The following WNK1 variants were observed in gnomAD, a reference collection of about 807,000 sequenced individuals.
WNK1 encodes the protein WNK lysine deficient protein kinase 1.
Under a neutral mutation model 222.8 loss-of-function variants are expected in WNK1, and 38 were observed. The ratio of observed to expected loss-of-function variants is 0.17; its 90% CI spans 0.13 to 0.22. The LOEUF (loss-of-function observed/expected upper bound fraction) is 0.22, where lower values mean the gene tolerates loss of function less well. Among genes scored for constraint, WNK1 ranks in the 10% least tolerant of loss-of-function variants. The pLI, the probability that WNK1 is intolerant of heterozygous loss-of-function variation, is 1.00. For missense variants in WNK1, 2,348 were observed against 2,918.4 expected (o/e 0.80, Z 4.50); for synonymous variants, 1,090 against 1,092.9 (o/e 1.00, Z 0.05).
rs1555132915 is a variant in WNK1, at chr12:861,081, A to G, written c.1689A>G (p.Ser563=). 1 of 1,614,050 alleles carries G rather than the reference A, an allele frequency of 6.2e-7. No homozygotes were observed. Residue 563 remains serine (S), a synonymous_variant, in exon 7 of 28, where the codon TCA becomes TCG. Transcript: ENST00000315939. ...TMAKAIKDRV[S]LIKRKREQRQ... ...CTAAAGCTATCAAAGACAGAGTATC[A>G]TTAATTAAGAGGAAACGAGAGCAGC...
chr12:768,813 T>G (rs1196969233), intron 1 of WNK1, among the ~76,000 whole-genome samples: 1 of 151,984 alleles, frequency 6.6e-6, no homozygotes, highest in African/African-American at 2.4e-5. Context: ...GGATGAAGTT[T>G]TTTTGTTTTT....
intron 1 of WNK1, among the ~76,000 whole-genome samples, chr12:808,573 A>G (rs185707189): frequency 1.3e-5 from 2 of 151,724 alleles, no homozygotes; most frequent in Admixed American, 6.6e-5. Context: ...AGCTTCCTGT[A>G]TATGCCAAGT....
At chr12:833,445 C>A (rs1736528750) in intron 4 of WNK1, among the ~76,000 whole-genome samples, 1 of 152,304 alleles carries the variant, frequency 6.6e-6, no homozygotes, top group Admixed American at 6.5e-5. Context: ...CAGTTCTCTT[C>A]ATTATCTCGC....
chr12:818,886 T>C (rs910124696), intron 2 of WNK1, among the ~76,000 whole-genome samples: 1 of 152,264 alleles, frequency 6.6e-6, no homozygotes, highest in Admixed American at 6.5e-5. Context: ...ACATTTGGGC[T>C]GTATCCACCT....
At chr12:853,957 C>T (rs1232969082) in intron 4 of WNK1, among the ~76,000 whole-genome samples, 1 of 152,110 alleles carries the variant, frequency 6.6e-6, no homozygotes, top group African/African-American at 2.4e-5. Context: ...TTGCTTTGTG[C>T]CCATGCTGGT....
At position 828,565 on chromosome 12, in the gene WNK1, C is replaced by T. The variant is rs542367265; in HGVS notation, c.1153+1303C>T. Among the ~76,000 whole-genome samples the T allele has an allele frequency of 7.2e-5, 11 of 152,212 alleles. No homozygotes were observed. In the East Asian group the frequency reaches 1.7e-3, roughly 24 times the overall value. On this transcript the variant is annotated intron_variant, in intron 3 of 27. Coordinates refer to ENST00000315939, the MANE Select transcript of WNK1 (RefSeq NM_018979.4). ...CTCTACCCACTAGATACCAGTAGCACGCTCCCTCTGTACCTGCCTTCTAGT... is the reference window on the plus strand; with the variant it reads ...CTCTACCCACTAGATACCAGTAGCATGCTCCCTCTGTACCTGCCTTCTAGT...
intron 7 of WNK1, among the ~76,000 whole-genome samples, chr12:861,669 C>G (rs1033934182): frequency 2.0e-5 from 3 of 152,150 alleles, no homozygotes; most frequent in Admixed American, 6.5e-5. Flanking sequence ...AGCTTGGCTA[C>G]TAAAATTGAA....
chr12:896,625 A>G lies in WNK1; in HGVS notation c.6138A>G (p.Leu2046=), dbSNP rs1198621243. 2 of 1,607,996 alleles carry G rather than the reference A, an allele frequency of 1.2e-6. No individual in the cohort carries two copies. The highest frequency in any genetic ancestry group is 8.5e-7 in the Non-Finnish European group (1 of 1,177,258). ...LSSKSLPSQN[L]SQSLSNSFNS... ...CAAAGAGCCTTCCTAGCCAGAATCT[A>G]AGTCAAAGCCTTAGTAATTCATTTA... The change falls in exon 24 of 28, where the codon CTA becomes CTG. Residue 2046 remains leucine (L), a synonymous_variant. Transcript: ENST00000315939.
intron 9 of WNK1, among the ~76,000 whole-genome samples, chr12:877,680 A>G (rs1304809330): frequency 6.6e-6 from 1 of 152,220 alleles, no homozygotes; most frequent in Non-Finnish European, 1.5e-5. Flanking sequence ...TATTAAAGCT[A>G]AAATTTGAAA....
rs554499763 is a variant in WNK1 at position 806,621 on chromosome 12, G to T, written c.760-7021G>T. Among the ~76,000 whole-genome samples the T allele has an allele frequency of 5.0e-4, 76 of 152,300 alleles. 1 individual carries two copies. The highest frequency in any genetic ancestry group is 1.8e-3 in the African/African-American group (75 of 41,568). Reference sequence around the variant, plus strand: ...CAGGCAATGTTTATTTTGATATGACGTAGTTGTGGCTTTTATTAGTTTGTG... The same window carrying T: ...CAGGCAATGTTTATTTTGATATGACTTAGTTGTGGCTTTTATTAGTTTGTG... On this transcript the variant is annotated intron_variant, in intron 1 of 27. Coordinates refer to ENST00000315939, the MANE Select transcript of WNK1 (RefSeq NM_018979.4).
At chr12:759,245 C>A (rs7962606) in intron 1 of WNK1, among the ~76,000 whole-genome samples, 111,324 of 146,348 alleles carry the variant, frequency 0.76, 44,770 homozygotes, top group East Asian at 0.86. Flanking sequence ...TCATAATTAC[C>A]GTTAGTACAC....
intron 1 of WNK1, among the ~76,000 whole-genome samples, chr12:776,577 C>T (rs12826381): frequency 0.12 from 18,405 of 151,632 alleles, 1,442 homozygotes; most frequent in Middle Eastern, 0.2. Flanking sequence ...ACTACAGGTG[C>T]GTGCCACCGT....
chr12:865,232 C>T, intron 8 of WNK1: 1 of 1,536,092 alleles, frequency 6.5e-7, no homozygotes, highest in South Asian at 1.2e-5. Flanking sequence ...CTTTCTCCTT[C>T]CCTCCTCCGG....
At chr12:835,750 T>C (rs1161084209) in intron 4 of WNK1, among the ~76,000 whole-genome samples, 1 of 152,080 alleles carries the variant, frequency 6.6e-6, no homozygotes, top group Non-Finnish European at 1.5e-5. Context: ...GTCAGGAGTT[T>C]GAGACCAGCC....
In WNK1 at chr12:901,622, C is replaced by T; in HGVS notation, c.6643+952C>T. The T allele has an allele frequency of 1.6e-6, 2 of 1,289,092 alleles. No homozygotes were observed. The highest frequency in any genetic ancestry group is 2.0e-6 in the Non-Finnish European group (2 of 988,678). 79.9% of individuals were successfully genotyped at this position (1,289,092 alleles called of 1,614,324 possible). On this transcript the variant is annotated intron_variant, in intron 26 of 27. Coordinates refer to ENST00000315939, the MANE Select transcript of WNK1 (RefSeq NM_018979.4). ...CATTCAAACCTGGTGGCAGGAGGAC[C>T]CGATTTCTGAGTACGCCCTGCTTGG...
chr12:760,646 T>C (rs1940885439), intron 1 of WNK1, among the ~76,000 whole-genome samples: 1 of 148,114 alleles, frequency 6.8e-6, no homozygotes, highest in Non-Finnish European at 1.5e-5. Context: ...ACTTAATTTC[T>C]CAAATCTTAA....
chr12:892,899 G>A (rs1013825661), intron 22 of WNK1, among the ~76,000 whole-genome samples: 13 of 152,088 alleles, frequency 8.5e-5, no homozygotes, highest in African/African-American at 2.2e-4. Flanking sequence ...AAATAATTCA[G>A]CACTTTCATT....
At chr12:893,650 C>T (rs1046755837) in intron 22 of WNK1, among the ~76,000 whole-genome samples, 10 of 151,078 alleles carry the variant, frequency 6.6e-5, no homozygotes, top group African/African-American at 1.5e-4. Context: ...GGTGAAACCC[C>T]GTCTCTACTA....
intron 1 of WNK1, among the ~76,000 whole-genome samples, chr12:812,217 A>G (rs1402053347): frequency 6.6e-6 from 1 of 152,184 alleles, no homozygotes; most frequent in Non-Finnish European, 1.5e-5. Flanking sequence ...TGAGACTCAG[A>G]GGCCCAATTT....
Sources: gnomAD v4.1 joint callset for allele counts (sites outside exome capture counted in the v4.1 genomes callset) on GRCh38, gnomAD v4.1.1 for gene constraint, MANE v1.5 for transcripts, NCBI Gene and HGNC (gene_info 2026-07-23, HGNC 2026-07-21) for gene names.